The following SDK1 variants were observed in gnomAD, a reference collection of about 807,000 sequenced individuals.
SDK1 encodes sidekick cell adhesion molecule 1.
A neutral mutation model predicts 245.5 loss-of-function variants in SDK1; 157 were observed. The ratio of observed to expected loss-of-function variants is 0.64; its 90% CI spans 0.56 to 0.73. The LOEUF is 0.73. Ranked by LOEUF, SDK1 falls within the 30% of genes least tolerant of loss-of-function variation. SDK1 has a pLI of 0.00. For missense variants in SDK1, 3,583 were observed against 3,002.3 expected, an observed-to-expected ratio of 1.19 and a Z score of -4.52; for synonymous variants, 1,647 against 1,278.5, an observed-to-expected ratio of 1.29 and a Z score of -6.15.
intron 17 of SDK1, among the ~76,000 whole-genome samples, chr7:4,030,888 G>A (rs939912800): frequency 5.3e-5 from 8 of 152,152 alleles, no homozygotes; most frequent in African/African-American, 1.9e-4. Context: ...TTACACAGAA[G>A]TGTAAATGTC....
At chr7:3,762,132 G>A (rs1780123342) in intron 4 of SDK1, among the ~76,000 whole-genome samples, 1 of 152,140 alleles carries the variant, frequency 6.6e-6, no homozygotes, top group Admixed American at 6.5e-5. Flanking sequence ...CAGCGGTTTG[G>A]GGGATTATAT....
At position 4,205,892 on chromosome 7, in the gene SDK1, C is replaced by A; in HGVS notation, c.5112C>A (p.Ala1704=). Residue 1704 remains alanine (A), a synonymous_variant, in exon 36 of 45, where the codon GCC becomes GCA. Coordinates refer to ENST00000404826, the MANE Select transcript of SDK1 (RefSeq NM_152744.4). ...CTCTTTCCTCAGCCCCGGCCATGGC[C>A]CCGCAGAACGTGCAGGTGACCCCAC... is the stretch of plus-strand genomic sequence containing the variant. ...VFVGEAAPAM[A]PQNVQVTPLT... The A allele has an allele frequency of 6.4e-7, 1 of 1,554,752 alleles. No homozygotes were observed. The highest frequency in any genetic ancestry group is 8.7e-7 in the Non-Finnish European group (1 of 1,148,592).
At chr7:3,891,747 C>T (rs997874966) in intron 5 of SDK1, among the ~76,000 whole-genome samples, 1 of 152,122 alleles carries the variant, frequency 6.6e-6, no homozygotes, top group African/African-American at 2.4e-5. Context: ...GCGCAAGAGC[C>T]AATGATTGCA....
chr7:3,397,665 A>G (rs893614814), intron 1 of SDK1, among the ~76,000 whole-genome samples: 1 of 151,936 alleles, frequency 6.6e-6, no homozygotes, highest in East Asian at 1.9e-4. Flanking sequence ...GAGTTACCCT[A>G]TTTGGAGTTC....
chr7:4,256,015 G>T (rs897197880), intron 44 of SDK1, among the ~76,000 whole-genome samples: 1 of 145,356 alleles, frequency 6.9e-6, no homozygotes, highest in African/African-American at 2.6e-5. Flanking sequence ...TGCCTTCTCA[G>T]TTCAAACAAT....
chr7:3,760,114 G>T (rs577732784), intron 4 of SDK1, among the ~76,000 whole-genome samples: 2 of 151,952 alleles, frequency 1.3e-5, no homozygotes, highest in African/African-American at 4.8e-5. Context: ...TAAAAACATG[G>T]AAAATTCCTC....
chr7:3,321,853 CTT>C (rs937026153), intron 1 of SDK1, among the ~76,000 whole-genome samples: 1 of 144,338 alleles, frequency 6.9e-6, no homozygotes, highest in Non-Finnish European at 1.5e-5. Context: ...CTCTCTCTCT[CTT>C]TCTCTCTTTG....
chr7:3,645,475 T>A (rs1427889401), intron 4 of SDK1, among the ~76,000 whole-genome samples: 1 of 152,208 alleles, frequency 6.6e-6, no homozygotes, highest in Non-Finnish European at 1.5e-5. Context: ...TCTCCACAAA[T>A]TTATACATCG....
intron 28 of SDK1, among the ~76,000 whole-genome samples, chr7:4,137,046 G>A (rs550581546): frequency 6.6e-6 from 1 of 152,248 alleles, no homozygotes; most frequent in South Asian, 2.1e-4. Flanking sequence ...GTGCTTTGGA[G>A]TCATGAGCGC....
chr7:3,788,746 A>G (rs1234062706), intron 4 of SDK1, among the ~76,000 whole-genome samples: 1 of 152,216 alleles, frequency 6.6e-6, no homozygotes, highest in African/African-American at 2.4e-5. Context: ...GGGTTGGGCA[A>G]GCTTGCTTTA....
At chr7:3,816,205 C>T (rs1779503890) in intron 4 of SDK1, among the ~76,000 whole-genome samples, 1 of 151,304 alleles carries the variant, frequency 6.6e-6, no homozygotes, top group East Asian at 1.9e-4. Context: ...CAAGAGCAAA[C>T]ACATTCAAAA....
intron 1 of SDK1, among the ~76,000 whole-genome samples, chr7:3,575,192 C>G (rs886090252): frequency 3.3e-5 from 5 of 152,010 alleles, no homozygotes; most frequent in African/African-American, 1.2e-4. Context: ...GGTGAGGGCT[C>G]CCTTCTTGGC....
intron 1 of SDK1, among the ~76,000 whole-genome samples, chr7:3,347,558 C>T (rs1426970935): frequency 6.6e-6 from 1 of 152,160 alleles, no homozygotes; most frequent in East Asian, 1.9e-4. Context: ...TATTTTCAAC[C>T]TCCCTGTTTC....
At chr7:4,132,044 A>T (rs576562172) in intron 27 of SDK1, among the ~76,000 whole-genome samples, 17 of 152,168 alleles carry the variant, frequency 1.1e-4, no homozygotes, top group Admixed American at 3.3e-4. Context: ...GGCTGGTTAC[A>T]CTCACACTAT....
chr7:4,010,715 G>T (rs188236231), intron 14 of SDK1, among the ~76,000 whole-genome samples: 1 of 152,180 alleles, frequency 6.6e-6, no homozygotes, highest in Non-Finnish European at 1.5e-5. Flanking sequence ...ACCGCCGTAT[G>T]CAGGTTGCAC....
At position 3,840,874 on chromosome 7, in the gene SDK1, T is replaced by C. The variant is rs56996102; in HGVS notation, c.847+19291T>C. ...CCTCTGGGAGTGGGGTCCAGGAATC[T>C]GTGTTTTATCAAGCTCTCCCTCACT... On this transcript the variant is annotated intron_variant, in intron 5 of 44. Transcript: ENST00000404826. 8.9e-3 allele frequency among the ~76,000 whole-genome samples: 1,356 copies of C among 152,318 alleles called. 24 individuals carry two copies. Among genetic ancestry groups the C allele is most frequent in the African/African-American group, 0.031 (1,295 of 41,578 alleles).
intron 5 of SDK1, among the ~76,000 whole-genome samples, chr7:3,876,255 C>G (rs1436946250): frequency 6.6e-6 from 1 of 152,186 alleles, no homozygotes; most frequent in East Asian, 1.9e-4. Flanking sequence ...AAGTATTTCT[C>G]CTAATTTCCA....
At chr7:4,030,261 A>G (rs17134197) in intron 17 of SDK1, among the ~76,000 whole-genome samples, 44,762 of 152,056 alleles carry the variant, frequency 0.29, 9,657 homozygotes, top group African/African-American at 0.61. Flanking sequence ...AAGTCCAGTT[A>G]GATATCTTTG....
chr7:3,794,692 A>G (rs961671441), intron 4 of SDK1, among the ~76,000 whole-genome samples: 10 of 152,200 alleles, frequency 6.6e-5, no homozygotes, highest in Middle Eastern at 3.4e-3. Context: ...TAGTCCCTCG[A>G]CCTTGGACTT....
Sources: gnomAD v4.1 joint callset for allele counts (sites outside exome capture counted in the v4.1 genomes callset) on GRCh38, gnomAD v4.1.1 for gene constraint, MANE v1.5 for transcripts, NCBI Gene and HGNC (gene_info 2026-07-23, HGNC 2026-07-21) for gene names.